Variants in DPM1 observed in about 807,000 individuals in gnomAD.
DPM1 encodes the protein dolichol-phosphate mannosyltransferase subunit 1.
In DPM1, 27 loss-of-function variants were observed where a neutral mutation model predicts 39.0. That is an observed-to-expected ratio of 0.69 (90% CI 0.51 to 0.95). DPM1 has a LOEUF of 0.95. Among genes scored for constraint, DPM1 ranks in the 40% least tolerant of loss-of-function variants. The pLI, the probability that DPM1 is intolerant of heterozygous loss-of-function variation, is 0.00. For missense variants in DPM1, 307 were observed against 315.6 expected, an observed-to-expected ratio of 0.97 and a Z score of 0.21; for synonymous variants, 124 against 109.0, an observed-to-expected ratio of 1.14 and a Z score of -0.86.
At position 50,935,150 on chromosome 20, in the gene DPM1, A is replaced by T. The variant is rs1248532128; in HGVS notation, c.765T>A (p.Thr255=). 2 of 1,588,766 alleles carry T rather than the reference A, an allele frequency of 1.3e-6. No individual in the cohort carries two copies. Among genetic ancestry groups the T allele is most frequent in the African/African-American group, 1.3e-5 (1 of 74,414 alleles). ...EIVSFLKGLL[T]LFATT The stretch of plus-strand genomic sequence containing the variant: ...CTTTCTTTTATGTAGTAGCAAAAAG[A>T]GTCAATAATCCTTTCAAGAAAGATA... Residue 255 remains threonine, a synonymous_variant, in exon 9 of 9, where the codon ACT becomes ACA. Transcript: ENST00000371588.
chr20:50,935,671 GAGTTTTACT>G (rs1985088580), intron 8 of DPM1, among the ~76,000 whole-genome samples: 1 of 152,134 alleles, frequency 6.6e-6, no homozygotes, highest in African/African-American at 2.4e-5. Flanking sequence ...CTCTGAATAA[GAGTTTTACT>G]ATTAAATGAG....
rs757188923 is a variant in DPM1 at position 50,941,945 on chromosome 20, G to A, written c.494+86C>T. The A allele has an allele frequency of 1.5e-5, 17 of 1,158,054 alleles. No homozygotes were observed. In the South Asian group the frequency reaches 1.7e-4, roughly 12 times the overall value. 71.7% of individuals were successfully genotyped at this position (1,158,054 alleles called of 1,614,324 possible). A position where few individuals can be genotyped will look rare whatever the true frequency, so the allele number is the denominator to read the frequency against. ...TTATAACCTGATCCCACAAATCCCG[G>A]GCAGCATGATAGCTAATCCAAATAC... On this transcript the variant is annotated intron_variant, in intron 6 of 8. Coordinates refer to ENST00000371588, the MANE Select transcript of DPM1 (RefSeq NM_003859.3).
intron 2 of DPM1, among the ~76,000 whole-genome samples, chr20:50,950,757 C>CTG (rs943339581): frequency 2.0e-5 from 3 of 152,092 alleles, no homozygotes; most frequent in African/African-American, 7.2e-5. Context: ...GTAATCCCAG[C>CTG]TACTCAGGAG....
intron 2 of DPM1, among the ~76,000 whole-genome samples, chr20:50,953,984 T>C (rs902177891): frequency 6.6e-6 from 1 of 152,180 alleles, no homozygotes; most frequent in African/African-American, 2.4e-5. Context: ...CAGAGAAGAC[T>C]TGAGGTGTGA....
At chr20:50,948,944 T>G (rs534809366) in intron 2 of DPM1, among the ~76,000 whole-genome samples, 2 of 151,992 alleles carry the variant, frequency 1.3e-5, no homozygotes, top group Non-Finnish European at 2.9e-5. Flanking sequence ...CACTGCAACC[T>G]CTGCCTCCTG....
At chr20:50,957,251 C>T (rs1436168658) in intron 1 of DPM1, among the ~76,000 whole-genome samples, 1 of 152,214 alleles carries the variant, frequency 6.6e-6, no homozygotes, top group African/African-American at 2.4e-5. Flanking sequence ...AAGTCTAATG[C>T]TCAGGCGGGC....
chr20:50,953,225 G>C (rs1457052880), intron 2 of DPM1, among the ~76,000 whole-genome samples: 1 of 152,218 alleles, frequency 6.6e-6, no homozygotes, highest in Non-Finnish European at 1.5e-5. Flanking sequence ...GAATAGTTCA[G>C]AGTAAGTGCC....
Position 50,955,198 on chromosome 20 carries a change from C to G in DPM1, c.249G>C (p.Gly83=), listed in dbSNP as rs1422549992. 6.2e-7 allele frequency: 1 copy of G among 1,611,716 alleles called. No homozygotes were observed. The highest frequency in any genetic ancestry group is 2.2e-5 in the East Asian group (1 of 44,786). ...DVAEQLEKIY[G]SDRILLRPRE... is the part of the protein sequence containing the mutation. ...TCTTATAACTTACAATTCTGTCTGACCCATAGATCTTCTCCAACTGTTCAG... is the reference window on the plus strand; with the variant it reads ...TCTTATAACTTACAATTCTGTCTGAGCCATAGATCTTCTCCAACTGTTCAG... The change falls in exon 2 of 9, where the codon GGG becomes GGC. Residue 83 remains glycine, a synonymous_variant. Coordinates refer to ENST00000371588, the MANE Select transcript of DPM1 (RefSeq NM_003859.3).
intron 8 of DPM1, among the ~76,000 whole-genome samples, chr20:50,935,853 A>C (rs1390296156): frequency 6.6e-6 from 1 of 152,216 alleles, no homozygotes. Flanking sequence ...GACAAAAGGA[A>C]AAGAAGCAAA....
intron 3 of DPM1, 30 bp from the exon 4 acceptor site, chr20:50,945,953 A>G (rs766268385): frequency 1.9e-6 from 3 of 1,566,394 alleles, no homozygotes; most frequent in Non-Finnish European, 2.6e-6. Context: ...CATTCAAGAA[A>G]ATCAACAGAA....
intron 2 of DPM1, among the ~76,000 whole-genome samples, chr20:50,949,635 T>C (rs1986474725): frequency 6.6e-6 from 1 of 152,234 alleles, no homozygotes; most frequent in South Asian, 2.1e-4. Flanking sequence ...TTCTGAGGTA[T>C]GGGGTTCAGG....
chr20:50,953,973 T>A (rs781292985), intron 2 of DPM1, among the ~76,000 whole-genome samples: 115 of 152,326 alleles, frequency 7.5e-4, no homozygotes, highest in Non-Finnish European at 1.2e-3. Flanking sequence ...TAGAAGGTTT[T>A]CAGAGAAGAC....
intron 7 of DPM1, among the ~76,000 whole-genome samples, chr20:50,937,150 G>A (rs1275246785): frequency 6.6e-6 from 1 of 151,442 alleles, no homozygotes; most frequent in Non-Finnish European, 1.5e-5. Context: ...GCAGTTTGGT[G>A]TAACTTTGTT....
At chr20:50,935,646 A>G (rs1380624883) in intron 8 of DPM1, among the ~76,000 whole-genome samples, 1 of 152,178 alleles carries the variant, frequency 6.6e-6, no homozygotes, top group East Asian at 1.9e-4. Flanking sequence ...GTGACATTCC[A>G]TAGCTATTTT....
chr20:50,957,956 A>C (rs1297962187), intron 1 of DPM1, among the ~76,000 whole-genome samples: 1 of 152,292 alleles, frequency 6.6e-6, no homozygotes, highest in East Asian at 1.9e-4. Context: ...CCTCATGCTT[A>C]TGTAAGCACT....
At position 50,942,029 on chromosome 20, in the gene DPM1, A is replaced by G. The variant is rs1478040715; in HGVS notation, c.494+2T>C. 12 of 1,609,648 alleles carry G rather than the reference A, an allele frequency of 7.5e-6. 1 individual carries two copies. The highest frequency in any genetic ancestry group is 1.3e-5 in the African/African-American group (1 of 74,848). On this transcript the variant is annotated splice_donor_variant, in intron 6 of 8. Transcript: ENST00000371588. LOFTEE classifies it high-confidence loss of function. ...TAAAGAAGTTGTAACACATGTACCT[A>G]CCTGATTATTTTTCTTTTCAAATCC...
rs1568762591 is a variant in DPM1, at chr20:50,941,258, ATAT to A, written c.495-328_495-326del. ...TATATATATATATATATATATATAT[ATAT>A]ATAAATAAAATACATTCATATAATA... On this transcript the variant is annotated intron_variant, in intron 6 of 8. Coordinates refer to ENST00000371588, the MANE Select transcript of DPM1 (RefSeq NM_003859.3). 54 of 172,990 alleles carry A rather than the reference ATAT, an allele frequency of 3.1e-4. 2 individuals are homozygous for A. Among genetic ancestry groups the A allele is most frequent in the African/African-American group, 1.4e-3 (50 of 35,414 alleles). The allele number at this position is 172,990 out of a possible 1,614,324, so 10.7% of individuals were successfully genotyped here.
chr20:50,951,483 G>A (rs1052628594), intron 2 of DPM1, among the ~76,000 whole-genome samples: 3 of 152,144 alleles, frequency 2.0e-5, no homozygotes, highest in African/African-American at 7.2e-5. Flanking sequence ...AAGGGAATGG[G>A]ATGCCTATAG....
At position 50,945,326 on chromosome 20, in the gene DPM1, A is replaced by G. The variant is rs187278429; in HGVS notation, c.398+411T>C. Among the ~76,000 whole-genome samples the G allele has an allele frequency of 6.1e-4, 66 of 107,596 alleles. 1 individual carries two copies. Among genetic ancestry groups the G allele is most frequent in the African/African-American group, 1.6e-3 (58 of 35,636 alleles). The allele number at this position is 107,596 out of a possible 152,430, so 70.6% of individuals were successfully genotyped here. On this transcript the variant is annotated intron_variant, in intron 5 of 8. Transcript: ENST00000371588. ...TGTGTGTGTGTGTGTGTGTGTGTCT[A>G]CTATCTATACAGATAAATATTTTAG...
Sources: allele counts gnomAD v4.1 joint callset (sites outside exome capture counted in the v4.1 genomes callset), GRCh38; gene constraint gnomAD v4.1.1; transcripts MANE v1.5; gene names NCBI Gene and HGNC (gene_info 2026-07-23, HGNC 2026-07-21).